Variants in CTNNA2 observed in about 807,000 individuals in gnomAD.
The protein encoded by CTNNA2 is catenin alpha-2.
In CTNNA2, 42 loss-of-function variants were observed where a neutral mutation model predicts 101.0. The observed-to-expected ratio is 0.42, with a 90% CI of 0.32 to 0.54. The LOEUF is 0.54. Ranked by LOEUF, CTNNA2 falls within the 20% of genes least tolerant of loss-of-function variation. The pLI is 0.14. For missense variants in CTNNA2, 871 were observed against 1,223.1 expected, an observed-to-expected ratio of 0.71 and a Z score of 4.29; for synonymous variants, 450 against 456.4, an observed-to-expected ratio of 0.99 and a Z score of 0.18.
chr2:79,851,866 T>C (rs1680745608), intron 3 of CTNNA2, among the ~76,000 whole-genome samples: 2 of 149,710 alleles, frequency 1.3e-5, no homozygotes, highest in South Asian at 2.1e-4. Flanking sequence ...CTCAGCCTCC[T>C]GAGTAGCTGG....
At chr2:80,211,806 A>G (rs994879289) in intron 7 of CTNNA2, among the ~76,000 whole-genome samples, 13 of 152,074 alleles carry the variant, frequency 8.5e-5, no homozygotes, top group African/African-American at 2.9e-4. Flanking sequence ...AATTACCTTG[A>G]GAAGTATGGC....
chr2:80,629,829 A>T (rs1441682022), intron 18 of CTNNA2, among the ~76,000 whole-genome samples: 4 of 152,152 alleles, frequency 2.6e-5, no homozygotes, highest in African/African-American at 9.7e-5. Context: ...CGTATCCTGG[A>T]GTGGGTGGCA....
intron 7 of CTNNA2, among the ~76,000 whole-genome samples, chr2:80,064,589 T>C (rs952409201): frequency 4.6e-5 from 7 of 152,350 alleles, no homozygotes; most frequent in African/African-American, 1.7e-4. Context: ...ATGGTTAAAG[T>C]TGGCCTAGTC....
intron 7 of CTNNA2, among the ~76,000 whole-genome samples, chr2:80,157,539 A>T (rs1291382932): frequency 6.6e-6 from 1 of 151,970 alleles, no homozygotes; most frequent in Non-Finnish European, 1.5e-5. Context: ...ATTCGTGACC[A>T]TTTTTTTGTT....
chr2:80,428,134 C>T (rs1681161430), intron 9 of CTNNA2, among the ~76,000 whole-genome samples: 1 of 152,118 alleles, frequency 6.6e-6, no homozygotes, highest in African/African-American at 2.4e-5. Context: ...CCCAGGGCAG[C>T]AGTGTGCTTT....
chr2:80,115,659 G>A (rs1426729337), intron 7 of CTNNA2, among the ~76,000 whole-genome samples: 2 of 152,304 alleles, frequency 1.3e-5, no homozygotes, highest in East Asian at 3.9e-4. Flanking sequence ...GGGACAGAGG[G>A]AGGGCATACA....
At chr2:80,050,860 C>T (rs184693466) in intron 7 of CTNNA2, among the ~76,000 whole-genome samples, 1 of 152,202 alleles carries the variant, frequency 6.6e-6, no homozygotes, top group African/African-American at 2.4e-5. Flanking sequence ...GGATTACAGG[C>T]ATGTACCACC....
At chr2:79,863,613 T>A (rs1450700633) in intron 4 of CTNNA2, among the ~76,000 whole-genome samples, 1 of 152,166 alleles carries the variant, frequency 6.6e-6, no homozygotes, top group African/African-American at 2.4e-5. Flanking sequence ...TTAACACTAA[T>A]AGCAGTTTGG....
chr2:79,743,265 C>T (rs1671420292), intron 2 of CTNNA2, among the ~76,000 whole-genome samples: 1 of 152,038 alleles, frequency 6.6e-6, no homozygotes, highest in African/African-American at 2.4e-5. Context: ...AAACTTCTCA[C>T]TGGTAGAAAA....
intron 2 of CTNNA2, among the ~76,000 whole-genome samples, chr2:79,736,064 T>G (rs1185934329): frequency 1.3e-5 from 2 of 152,198 alleles, no homozygotes; most frequent in African/African-American, 4.8e-5. Flanking sequence ...TGTAGTAGTT[T>G]CTATTGTAGT....
chr2:80,330,499 CTTTTTTT>C (rs11338415), intron 7 of CTNNA2, among the ~76,000 whole-genome samples: 2 of 141,230 alleles, frequency 1.4e-5, no homozygotes, highest in Admixed American at 7.1e-5. Flanking sequence ...CTACTTTTTT[CTTTTTTT>C]TTTTTTGCAA....
At chr2:79,764,033 A>G (rs551776726) in intron 3 of CTNNA2, among the ~76,000 whole-genome samples, 2 of 152,336 alleles carry the variant, frequency 1.3e-5, no homozygotes, top group Non-Finnish European at 2.9e-5. Context: ...TCAAGGACAA[A>G]GTCCCTCCAG....
At chr2:80,050,971 C>T (rs1171832048) in intron 7 of CTNNA2, among the ~76,000 whole-genome samples, 1 of 152,176 alleles carries the variant, frequency 6.6e-6, no homozygotes, top group Non-Finnish European at 1.5e-5. Context: ...GATTCTCCTG[C>T]CTCCTCAGCT....
intron 4 of CTNNA2, among the ~76,000 whole-genome samples, chr2:79,386,225 A>C (rs1005952223): frequency 1.5e-4 from 23 of 152,204 alleles, no homozygotes; most frequent in Non-Finnish European, 5.9e-5. Context: ...ACTCATCTAC[A>C]AAGATCACTG....
At chr2:80,493,798 A>G (rs916785830) in intron 9 of CTNNA2, among the ~76,000 whole-genome samples, 2 of 152,216 alleles carry the variant, frequency 1.3e-5, no homozygotes, top group Non-Finnish European at 2.9e-5. Flanking sequence ...CTGCTGAAAG[A>G]ATAGGCTGAT....
At chr2:79,827,067 CCCACTCTGTCA>C (rs1678503203) in intron 3 of CTNNA2, among the ~76,000 whole-genome samples, 1 of 152,054 alleles carries the variant, frequency 6.6e-6, no homozygotes, top group African/African-American at 2.4e-5. Flanking sequence ...GAGGCAAAGT[CCCACTCTGTCA>C]CCCAGGCTGG....
In CTNNA2 at chr2:80,567,770, G is replaced by T. The variant is rs1694186099; in HGVS notation, c.1742-6393G>T. On this transcript the variant is annotated intron_variant, in intron 12 of 18. Coordinates refer to ENST00000402739, the MANE Select transcript of CTNNA2 (RefSeq NM_001282597.3). ...CCAACTGTTACAGTAGAGGCTCAGT[G>T]ACTGTCTGTGATGGGGGGAGGATAT... is the stretch of plus-strand genomic sequence containing the variant. Among the ~76,000 whole-genome samples the T allele has an allele frequency of 2.0e-5, 3 of 152,058 alleles. No homozygotes were observed. In the South Asian group the frequency reaches 6.2e-4, roughly 32 times the overall value.
intron 17 of CTNNA2, among the ~76,000 whole-genome samples, chr2:80,614,587 AT>A (rs1483173934): frequency 6.6e-6 from 1 of 151,446 alleles, no homozygotes; most frequent in East Asian, 1.9e-4. Context: ...AAGAAGTATT[AT>A]TTTATAAAGC....
At chr2:80,542,412 G>C (rs1439462639) in intron 9 of CTNNA2, among the ~76,000 whole-genome samples, 1 of 151,834 alleles carries the variant, frequency 6.6e-6, no homozygotes, top group Non-Finnish European at 1.5e-5. Context: ...ATTGAAAATT[G>C]ATCCTAAATG....
Sources: gnomAD v4.1 joint callset for allele counts (sites outside exome capture counted in the v4.1 genomes callset) on GRCh38, gnomAD v4.1.1 for gene constraint, MANE v1.5 for transcripts, NCBI Gene and HGNC (gene_info 2026-07-23, HGNC 2026-07-21) for gene names.